Variants in BMPR1B observed in about 807,000 individuals in gnomAD.
BMPR1B encodes the protein bone morphogenetic protein receptor type 1B, also known as bone morphogenetic protein receptor type-1B.
Under a neutral mutation model 59.1 loss-of-function variants are expected in BMPR1B, and 12 were observed. That is an observed-to-expected ratio of 0.20 (90% CI 0.13 to 0.33). BMPR1B has a LOEUF of 0.33. Among genes scored for constraint, BMPR1B ranks in the 10% least tolerant of loss-of-function variants. The pLI, the probability that BMPR1B is intolerant of heterozygous loss-of-function variation, is 1.00. For synonymous variants in BMPR1B, 237 were observed against 207.3 expected, an observed-to-expected ratio of 1.14 and a Z score of -1.23; for missense variants, 550 against 610.9, an observed-to-expected ratio of 0.90 and a Z score of 1.05.
chr4:94,890,064 CTTG>C (rs1273260902), intron 2 of BMPR1B, among the ~76,000 whole-genome samples: 2 of 151,978 alleles, frequency 1.3e-5, no homozygotes, highest in Non-Finnish European at 2.9e-5. Context: ...AGTTCTGTGG[CTTG>C]TTTTCTGTCT....
At chr4:94,973,046 A>G (rs1730876244) in intron 2 of BMPR1B, among the ~76,000 whole-genome samples, 2 of 151,978 alleles carry the variant, frequency 1.3e-5, no homozygotes. Flanking sequence ...TAGGCAAGCA[A>G]ATATGGGATC....
At chr4:94,816,303 G>T (rs1414478386) in intron 1 of BMPR1B, among the ~76,000 whole-genome samples, 1 of 152,036 alleles carries the variant, frequency 6.6e-6, no homozygotes, top group Non-Finnish European at 1.5e-5. Context: ...CACGCCACCA[G>T]GCCCGGCTAG....
At chr4:95,114,658 ACACACACACACTGACT>A (rs750279805) in intron 4 of BMPR1B, 46 bp from the exon 5 acceptor site, 2 of 1,361,276 alleles carry the variant, frequency 1.5e-6, no homozygotes, top group Non-Finnish European at 2.1e-6. Flanking sequence ...ACACACACAC[ACACACACACACTGACT>A]CACACACACA....
At chr4:94,787,217 A>G (rs1722795828) in intron 1 of BMPR1B, among the ~76,000 whole-genome samples, 2 of 152,130 alleles carry the variant, frequency 1.3e-5, no homozygotes, top group African/African-American at 2.4e-5. Flanking sequence ...TACTCCACGT[A>G]GAGGTTTTTT....
At chr4:94,976,123 T>C (rs1239412857) in intron 2 of BMPR1B, among the ~76,000 whole-genome samples, 1 of 152,178 alleles carries the variant, frequency 6.6e-6, no homozygotes, top group Admixed American at 6.6e-5. Context: ...CTTCTCACTT[T>C]TCATATAACC....
intron 2 of BMPR1B, among the ~76,000 whole-genome samples, chr4:94,946,236 G>C (rs17022683): frequency 6.6e-6 from 1 of 151,972 alleles, no homozygotes; most frequent in Non-Finnish European, 1.5e-5. Flanking sequence ...GTAGTTTTTC[G>C]TTGAATGGAG....
intron 3 of BMPR1B, among the ~76,000 whole-genome samples, chr4:95,027,940 AC>A (rs1232789705): frequency 6.6e-6 from 1 of 152,138 alleles, no homozygotes; most frequent in Non-Finnish European, 1.5e-5. Context: ...AGGAAAGCAC[AC>A]TCTTATTCAA....
chr4:95,062,530 A>G (rs1727474841), intron 3 of BMPR1B, among the ~76,000 whole-genome samples: 1 of 152,188 alleles, frequency 6.6e-6, no homozygotes, highest in Non-Finnish European at 1.5e-5. Flanking sequence ...AGAATGGAGC[A>G]TCTTTTTTTT....
At chr4:94,899,192 A>T (rs1326599048) in intron 2 of BMPR1B, among the ~76,000 whole-genome samples, 1 of 151,682 alleles carries the variant, frequency 6.6e-6, no homozygotes, top group Admixed American at 6.6e-5. Flanking sequence ...CCTCCCTCTC[A>T]TGAGGACACG....
intron 1 of BMPR1B, among the ~76,000 whole-genome samples, chr4:94,837,058 C>T (rs1231118051): frequency 7.0e-6 from 1 of 143,564 alleles, no homozygotes; most frequent in Non-Finnish European, 1.5e-5. Context: ...TGTCAAAGAT[C>T]AGATAGTTGT....
Position 95,125,000 on chromosome 4 carries a change from C to A in BMPR1B, c.464C>A (p.Thr155Asn), listed in dbSNP as rs140360809. The A allele has an allele frequency of 1.1e-5, 18 of 1,612,994 alleles. No homozygotes were observed. The African/African-American group carries it at 2.0e-4, about 18-fold the overall frequency. The change falls in exon 8 of 13, where the codon ACC (threonine) becomes AAC (asparagine). Residue 155 changes from threonine to asparagine, a missense_variant. Transcript: ENST00000515059. ...FCYFRYKRQE[T>N]RPRYSIGLEQ... Reference sequence around the variant, plus strand: ...ATCTTTAGGTATAAAAGACAAGAAACCAGACCTCGATACAGCATTGGGTTA... The same window carrying A: ...ATCTTTAGGTATAAAAGACAAGAAAACAGACCTCGATACAGCATTGGGTTA...
At chr4:94,873,889 G>A (rs189426504) in intron 1 of BMPR1B, among the ~76,000 whole-genome samples, 55 of 152,222 alleles carry the variant, frequency 3.6e-4, no homozygotes, top group Admixed American at 1.2e-3. Flanking sequence ...TCATCTTGGA[G>A]ACCTGAAACT....
intron 1 of BMPR1B, among the ~76,000 whole-genome samples, chr4:94,871,635 C>T (rs1726502256): frequency 6.6e-6 from 1 of 152,056 alleles, no homozygotes; most frequent in Admixed American, 6.6e-5. Flanking sequence ...TTATATTGTT[C>T]ACTTACAGTT....
intron 1 of BMPR1B, among the ~76,000 whole-genome samples, chr4:94,863,067 G>A (rs187454997): frequency 2.9e-4 from 44 of 152,106 alleles, no homozygotes; most frequent in Admixed American, 5.2e-4. Context: ...AGTGAGCCGA[G>A]ATCGCGCCAC....
At chr4:94,871,595 AT>A (rs2148968163) in intron 1 of BMPR1B, among the ~76,000 whole-genome samples, 1 of 152,268 alleles carries the variant, frequency 6.6e-6, no homozygotes, top group East Asian at 1.9e-4. Context: ...AATCTTTAGA[AT>A]TTTTTGGACT....
At chr4:94,961,112 G>A (rs939978680) in intron 2 of BMPR1B, among the ~76,000 whole-genome samples, 2 of 152,118 alleles carry the variant, frequency 1.3e-5, no homozygotes, top group Non-Finnish European at 2.9e-5. Context: ...CTTTTGTTTA[G>A]CACTGCTTTT....
Position 94,915,239 on chromosome 4 carries a change from T to C in BMPR1B, c.-113+39339T>C, listed in dbSNP as rs113447148. 6.8e-4 allele frequency among the ~76,000 whole-genome samples: 103 copies of C among 152,332 alleles called. 1 individual carries two copies. The South Asian group carries it at 0.01, about 15-fold the overall frequency. On this transcript the variant is annotated intron_variant, in intron 2 of 12. Coordinates refer to ENST00000515059, the MANE Select transcript of BMPR1B (RefSeq NM_001203.3). Reference sequence around the variant, plus strand: ...ACTCATCTTTCATTACCATTGATTATTTCTAGCTGCCCTTACATTTTTTTC... The same window carrying C: ...ACTCATCTTTCATTACCATTGATTACTTCTAGCTGCCCTTACATTTTTTTC...
chr4:95,013,025 A>G (rs1466066820), intron 3 of BMPR1B, among the ~76,000 whole-genome samples: 1 of 152,146 alleles, frequency 6.6e-6, no homozygotes, highest in African/African-American at 2.4e-5. Flanking sequence ...CAAAATTTTT[A>G]AAGGGGCAAT....
chr4:94,842,606 A>T (rs923618647), intron 1 of BMPR1B, among the ~76,000 whole-genome samples: 1 of 152,170 alleles, frequency 6.6e-6, no homozygotes, highest in Non-Finnish European at 1.5e-5. Flanking sequence ...CCCAGGCTGG[A>T]ATGCAGTGGC....
Sources: gnomAD v4.1 joint callset for allele counts (sites outside exome capture counted in the v4.1 genomes callset) on GRCh38, gnomAD v4.1.1 for gene constraint, MANE v1.5 for transcripts, NCBI Gene and HGNC (gene_info 2026-07-23, HGNC 2026-07-21) for gene names.